Variants in PKP4 observed in about 807,000 individuals in gnomAD.
The protein encoded by PKP4 is plakophilin 4.
PKP4 carries 90 observed loss-of-function variants against 145.1 expected under a neutral mutation model. The observed-to-expected ratio is 0.62, with a 90% confidence interval of 0.52 to 0.74. The LOEUF (loss-of-function observed/expected upper bound fraction) is 0.74, where lower values mean the gene tolerates loss of function less well. Ranked by LOEUF, PKP4 falls within the 30% of genes least tolerant of loss-of-function variation. The probability of loss-of-function intolerance (pLI) is 0.00; values close to 1 mark genes in which losing one functional copy is unlikely to be tolerated. For missense variants in PKP4, 1,340 were observed against 1,482.7 expected (o/e 0.90, Z 1.58); for synonymous variants, 563 against 577.2 (o/e 0.98, Z 0.35).
chr2:158,562,083 A>AAGTT (rs1485242833), intron 2 of PKP4, among the ~76,000 whole-genome samples: 2 of 152,106 alleles, frequency 1.3e-5, no homozygotes, highest in Non-Finnish European at 2.9e-5. Context: ...AATTTTGTGA[A>AAGTT]AGTTAGTAGT....
chr2:158,573,306 G>GT (rs2047563464), intron 2 of PKP4, among the ~76,000 whole-genome samples: 2 of 152,286 alleles, frequency 1.3e-5, no homozygotes, highest in African/African-American at 4.8e-5. Context: ...AAACAATGCT[G>GT]TATCTGTTGC....
chr2:158,612,103 AC>A (rs1471293601), intron 4 of PKP4, among the ~76,000 whole-genome samples: 1 of 151,876 alleles, frequency 6.6e-6, no homozygotes, highest in Non-Finnish European at 1.5e-5. Context: ...TGACCAACAC[AC>A]CTACACAACT....
chr2:158,645,352 G>A lies in PKP4; in HGVS notation c.1909+2653G>A, dbSNP rs79039046. 8.6e-3 allele frequency among the ~76,000 whole-genome samples: 1,307 copies of A among 152,290 alleles called. 18 individuals carry two copies. Among genetic ancestry groups the A allele is most frequent in the African/African-American group, 0.029 (1,201 of 41,570 alleles). On this transcript the variant is annotated intron_variant, in intron 11 of 21. Coordinates refer to ENST00000389759, the MANE Select transcript of PKP4 (RefSeq NM_003628.6). The stretch of plus-strand genomic sequence containing the variant: ...TAAGAAAAAATAAAAATGTAGCTAT[G>A]TTCATCCTAGAAGTCAACACAGTCA...
At chr2:158,643,733 A>AAAG (rs2054553573) in intron 11 of PKP4, among the ~76,000 whole-genome samples, 1 of 151,258 alleles carries the variant, frequency 6.6e-6, no homozygotes, top group Non-Finnish European at 1.5e-5. Context: ...AAAAAAGAAA[A>AAAG]GAAAACAAGG....
intron 1 of PKP4, among the ~76,000 whole-genome samples, chr2:158,523,218 C>A (rs1427998974): frequency 2.0e-5 from 3 of 150,934 alleles, no homozygotes; most frequent in African/African-American, 7.3e-5. Flanking sequence ...CCTCTGCAGA[C>A]TTAAATGTCC....
Position 158,566,701 on chromosome 2 carries a change from T to C in PKP4, c.133-10570T>C, listed in dbSNP as rs557643177. Among the ~76,000 whole-genome samples, 30 of 152,312 alleles carry C rather than the reference T, an allele frequency of 2.0e-4. 1 individual carries two copies. In the South Asian group the frequency reaches 6.0e-3, roughly 31 times the overall value. ...AGCTTACACTCCTCCAACTATCCATTTTCCTTGTGATACCTCTTTTCCTCA... is the reference window on the plus strand; with the variant it reads ...AGCTTACACTCCTCCAACTATCCATCTTCCTTGTGATACCTCTTTTCCTCA... On this transcript the variant is annotated intron_variant, in intron 2 of 21. Transcript: ENST00000389759.
chr2:158,479,108 G>T (rs1166829851), intron 1 of PKP4, among the ~76,000 whole-genome samples: 1 of 152,108 alleles, frequency 6.6e-6, no homozygotes, highest in African/African-American at 2.4e-5. Flanking sequence ...TTTTCCATTA[G>T]TAGGAGTTAC....
At position 158,631,937 on chromosome 2, in the gene PKP4, T is replaced by A; in HGVS notation, c.1338T>A (p.Gly446=). Residue 446 remains glycine, a synonymous_variant, in exon 8 of 22, where the codon GGT becomes GGA. Transcript: ENST00000389759. ...QGSQTALYRT[G]SVGIGNLQRT... ...CGCAGACGGCGTTGTATCGCACAGG[T>A]TCAGGTGGGCATCAACTCTGTTTAC... is the stretch of plus-strand genomic sequence containing the variant. 6.2e-7 allele frequency: 1 copy of A among 1,613,304 alleles called. No individual in the cohort carries two copies. Among genetic ancestry groups the A allele is most frequent in the East Asian group, 2.2e-5 (1 of 44,876 alleles).
At chr2:158,505,730 G>A (rs2040914793) in intron 1 of PKP4, among the ~76,000 whole-genome samples, 1 of 152,108 alleles carries the variant, frequency 6.6e-6, no homozygotes, top group Non-Finnish European at 1.5e-5. Flanking sequence ...CTTCTTAGGT[G>A]ACGTGACTCA....
chr2:158,465,202 T>G (rs1690416693), intron 1 of PKP4, among the ~76,000 whole-genome samples: 1 of 152,224 alleles, frequency 6.6e-6, no homozygotes, highest in Non-Finnish European at 1.5e-5. Flanking sequence ...GTAACATTGT[T>G]TCATAAGTAT....
At chr2:158,652,082 G>A (rs978511080) in intron 11 of PKP4, among the ~76,000 whole-genome samples, 1 of 152,186 alleles carries the variant, frequency 6.6e-6, no homozygotes. Flanking sequence ...ACATTTTCTA[G>A]CAGCCATGGG....
chr2:158,615,320 T>A (rs2051497563), intron 4 of PKP4, among the ~76,000 whole-genome samples: 3 of 152,070 alleles, frequency 2.0e-5, no homozygotes, highest in African/African-American at 7.2e-5. Flanking sequence ...TACTTATCCC[T>A]TTTTCAGCTT....
At chr2:158,639,344 G>GCA (rs1558933679) in intron 9 of PKP4, among the ~76,000 whole-genome samples, 4 of 151,956 alleles carry the variant, frequency 2.6e-5, no homozygotes, top group African/African-American at 4.8e-5. Context: ...GTGTGTGTGC[G>GCA]TGCGTGTGTG....
chr2:158,667,855 C>G (rs1455943119), intron 16 of PKP4, among the ~76,000 whole-genome samples: 2 of 152,190 alleles, frequency 1.3e-5, no homozygotes, highest in African/African-American at 4.8e-5. Context: ...CTTCAGGTCC[C>G]TAAAGAGAGA....
At chr2:158,474,310 C>A (rs1692097571) in intron 1 of PKP4, among the ~76,000 whole-genome samples, 1 of 152,066 alleles carries the variant, frequency 6.6e-6, no homozygotes. Context: ...TTTTGGGATC[C>A]CTGAGGCTCA....
intron 2 of PKP4, among the ~76,000 whole-genome samples, chr2:158,563,174 A>T (rs891768643): frequency 1.3e-5 from 2 of 152,192 alleles, no homozygotes; most frequent in Non-Finnish European, 1.5e-5. Flanking sequence ...ATAGGTCAGA[A>T]TTGGAACATT....
At chr2:158,676,664 G>A (rs1177942664) in intron 19 of PKP4, 75 bp from the exon 20 acceptor site, 6 of 1,548,854 alleles carry the variant, frequency 3.9e-6, no homozygotes, top group Non-Finnish European at 5.3e-6. Flanking sequence ...TGTTTCTGGA[G>A]AGGATTTTCC....
At chr2:158,558,810 G>A (rs2046297400) in intron 2 of PKP4, among the ~76,000 whole-genome samples, 1 of 152,172 alleles carries the variant, frequency 6.6e-6, no homozygotes. Context: ...GGTACAGGGA[G>A]TGGGTACTAT....
chr2:158,621,830 G>A (rs2052295268), intron 6 of PKP4, among the ~76,000 whole-genome samples: 1 of 151,766 alleles, frequency 6.6e-6, no homozygotes, highest in Non-Finnish European at 1.5e-5. Context: ...AGAAATAAAT[G>A]TGTACAATTT....
Sources: gnomAD v4.1 joint callset for allele counts (sites outside exome capture counted in the v4.1 genomes callset) on GRCh38, gnomAD v4.1.1 for gene constraint, MANE v1.5 for transcripts, NCBI Gene and HGNC (gene_info 2026-07-23, HGNC 2026-07-21) for gene names.